The following MINDY3 variants were observed in gnomAD, a reference collection of about 807,000 sequenced individuals.
MINDY3 encodes ubiquitin carboxyl-terminal hydrolase MINDY-3.
In MINDY3, 38 loss-of-function variants were observed where a neutral mutation model predicts 69.2. That is an observed-to-expected ratio of 0.55 (90% CI 0.42 to 0.72). The LOEUF (loss-of-function observed/expected upper bound fraction) is 0.72, where lower values mean the gene tolerates loss of function less well. Among genes scored for constraint, MINDY3 ranks in the 30% least tolerant of loss-of-function variants. The pLI, the probability that MINDY3 is intolerant of heterozygous loss-of-function variation, is 0.00. For missense variants in MINDY3, 522 were observed against 519.0 expected (o/e 1.01, Z -0.06); for synonymous variants, 192 against 180.1 (o/e 1.07, Z -0.53).
intron 10 of MINDY3, among the ~76,000 whole-genome samples, chr10:15,815,516 C>G (rs1839292919): frequency 6.6e-6 from 1 of 152,146 alleles, no homozygotes; most frequent in Non-Finnish European, 1.5e-5. Flanking sequence ...ACTATACATG[C>G]TCAAAAAGCT....
At chr10:15,853,287 G>A (rs1026541393) in intron 1 of MINDY3, among the ~76,000 whole-genome samples, 18 of 152,066 alleles carry the variant, frequency 1.2e-4, no homozygotes, top group Admixed American at 7.9e-4. Context: ...GTGGTCCACC[G>A]ATAACCCTGG....
intron 10 of MINDY3, 32 bp from the exon 11 acceptor site, chr10:15,796,204 C>G (rs753554753): frequency 6.4e-7 from 1 of 1,558,632 alleles, no homozygotes; most frequent in Non-Finnish European, 8.8e-7. Context: ...TGTCAACCAG[C>G]TACAGTATTA....
At chr10:15,811,488 T>C (rs985027286) in intron 10 of MINDY3, among the ~76,000 whole-genome samples, 1 of 152,292 alleles carries the variant, frequency 6.6e-6, no homozygotes, top group Admixed American at 6.5e-5. Context: ...TCTGAAAATT[T>C]TGGAAGTGAT....
intron 10 of MINDY3, among the ~76,000 whole-genome samples, chr10:15,815,918 C>G (rs1187418791): frequency 6.6e-6 from 1 of 152,102 alleles, no homozygotes; most frequent in Non-Finnish European, 1.5e-5. Flanking sequence ...ACATGATATA[C>G]AGATTATAGT....
chr10:15,782,355 G>T lies in MINDY3; in HGVS notation c.1117-129C>A, dbSNP rs191126254. The stretch of plus-strand genomic sequence containing the variant: ...ACTGGGGACTCATTTGACAAAAGAA[G>T]GAACTTAGGTTTATGGAGTTGTAAC... On this transcript the variant is annotated intron_variant, in intron 13 of 14. Coordinates refer to ENST00000277632, the MANE Select transcript of MINDY3 (RefSeq NM_024948.4). The T allele has an allele frequency of 4.6e-6, 3 of 653,854 alleles. No homozygotes were observed. The Admixed American group carries it at 1.0e-4, about 22-fold the overall frequency. 40.5% of individuals were successfully genotyped at this position (653,854 alleles called of 1,614,324 possible). A position where few individuals can be genotyped will look rare whatever the true frequency, so the allele number is the denominator to read the frequency against.
At chr10:15,852,050 T>C (rs1041934263) in intron 1 of MINDY3, among the ~76,000 whole-genome samples, 2 of 152,200 alleles carry the variant, frequency 1.3e-5, no homozygotes, top group African/African-American at 4.8e-5. Context: ...GGTCTCAGTT[T>C]AGGTGTTAAT....
At chr10:15,855,747 T>C (rs1332168763) in intron 1 of MINDY3, among the ~76,000 whole-genome samples, 2 of 152,116 alleles carry the variant, frequency 1.3e-5, no homozygotes, top group African/African-American at 4.8e-5. Context: ...AAGACTTAGT[T>C]TGACATCCTG....
Position 15,816,915 on chromosome 10 carries a change from C to T in MINDY3, c.802G>A (p.Val268Ile), listed in dbSNP as rs148141305. ...TLMEALRYCK[V>I]GSYLKSPKFP... ...TTTGGAGATTTCAAGTAAGAACCAACCTAGAACAAATGTAGCAAAATAAAA... is the reference window on the plus strand; with the variant it reads ...TTTGGAGATTTCAAGTAAGAACCAATCTAGAACAAATGTAGCAAAATAAAA... Residue 268 changes from valine to isoleucine, a missense_variant and splice_region_variant, in exon 10 of 15, where the codon GTT becomes ATT. By Grantham distance (29) the Val-to-Ile change is conservative. Coordinates refer to ENST00000277632, the MANE Select transcript of MINDY3 (RefSeq NM_024948.4). 3.7e-6 allele frequency: 6 copies of T among 1,607,868 alleles called. No homozygotes were observed. In the African/African-American group the frequency reaches 8.0e-5, roughly 22 times the overall value.
intron 9 of MINDY3, among the ~76,000 whole-genome samples, chr10:15,818,404 A>G (rs1839523516): frequency 1.3e-5 from 2 of 152,166 alleles, no homozygotes; most frequent in Admixed American, 6.5e-5. Flanking sequence ...GTAAAAATAT[A>G]TTGAATGCAT....
intron 9 of MINDY3, among the ~76,000 whole-genome samples, chr10:15,820,645 G>A (rs1266362725): frequency 2.0e-5 from 3 of 152,198 alleles, no homozygotes; most frequent in Non-Finnish European, 4.4e-5. Context: ...TACTAAAGGA[G>A]TAAGGGCAGG....
At chr10:15,781,781 T>C (rs886354382) in intron 14 of MINDY3, among the ~76,000 whole-genome samples, 1 of 152,200 alleles carries the variant, frequency 6.6e-6, no homozygotes, top group Non-Finnish European at 1.5e-5. Context: ...AGGTTATTTA[T>C]TTAAAAATAT....
intron 10 of MINDY3, among the ~76,000 whole-genome samples, chr10:15,812,615 G>A (rs1408389179): frequency 6.6e-6 from 1 of 152,136 alleles, no homozygotes; most frequent in East Asian, 1.9e-4. Context: ...CTACATAACA[G>A]ATTGTCTCCC....
chr10:15,842,942 T>C (rs1833579978), intron 3 of MINDY3, among the ~76,000 whole-genome samples: 1 of 149,726 alleles, frequency 6.7e-6, no homozygotes, highest in South Asian at 2.1e-4. Flanking sequence ...CTTTATGGCA[T>C]GCTGCCACCT....
chr10:15,841,546 C>T lies in MINDY3; in HGVS notation c.289G>A (p.Ala97Thr). The T allele has an allele frequency of 4.3e-6, 7 of 1,611,400 alleles. No individual in the cohort carries two copies. The highest frequency in any genetic ancestry group is 5.9e-6 in the Non-Finnish European group (7 of 1,178,330). Residue 97 changes from alanine (A) to threonine (T), a missense_variant, in exon 4 of 15, where the codon GCT becomes ACT. Coordinates refer to ENST00000277632, the MANE Select transcript of MINDY3 (RefSeq NM_024948.4). ...TATGATCCAGAGTGGTCACAACAAG[C>T]ACTTTCTAAAATATCACACAAGGTA... is the stretch of plus-strand genomic sequence containing the variant. ...CHTLCDILESACCDHSGSYCL... is the reference protein window; with the variant it reads ...CHTLCDILESTCCDHSGSYCL...
chr10:15,810,813 C>T (rs925758093), intron 10 of MINDY3, among the ~76,000 whole-genome samples: 3 of 151,900 alleles, frequency 2.0e-5, no homozygotes, highest in Non-Finnish European at 4.4e-5. Context: ...GAATCTAGTA[C>T]CCAGAATATA....
intron 10 of MINDY3, among the ~76,000 whole-genome samples, chr10:15,806,654 A>G (rs1375011624): frequency 2.0e-5 from 3 of 152,190 alleles, no homozygotes; most frequent in Non-Finnish European, 2.9e-5. Context: ...AGACTTTCAT[A>G]TAGTAAGGAC....
intron 10 of MINDY3, among the ~76,000 whole-genome samples, chr10:15,815,589 C>G (rs141932043): frequency 7.8e-4 from 119 of 152,270 alleles, no homozygotes; most frequent in African/African-American, 2.8e-3. Flanking sequence ...TCTGTATCTT[C>G]CTACGAACAT....
chr10:15,805,175 CA>C (rs1344418327), intron 10 of MINDY3, among the ~76,000 whole-genome samples: 2 of 151,960 alleles, frequency 1.3e-5, no homozygotes, highest in Non-Finnish European at 2.9e-5. Context: ...ACAAATCCGT[CA>C]AGCTTTTCTT....
chr10:15,788,148 C>T (rs1358271229), intron 12 of MINDY3, among the ~76,000 whole-genome samples: 11 of 152,008 alleles, frequency 7.2e-5, no homozygotes, highest in Non-Finnish European at 1.6e-4. Flanking sequence ...AGTTAATTCT[C>T]TTTTGTAAAT....
Sources: gnomAD v4.1 joint callset for allele counts (sites outside exome capture counted in the v4.1 genomes callset) on GRCh38, gnomAD v4.1.1 for gene constraint, MANE v1.5 for transcripts, NCBI Gene and HGNC (gene_info 2026-07-23, HGNC 2026-07-21) for gene names.